The following FUT8 variants were observed in gnomAD, a reference collection of about 807,000 sequenced individuals.
The protein encoded by FUT8 is alpha-(1,6)-fucosyltransferase.
In FUT8, 29 loss-of-function variants were observed where a neutral mutation model predicts 71.3. The observed-to-expected ratio is 0.41, with a 90% CI of 0.30 to 0.55. The LOEUF (loss-of-function observed/expected upper bound fraction) is 0.55. Ranked by LOEUF, FUT8 falls within the 20% of genes least tolerant of loss-of-function variation. The pLI is 0.34. For missense variants in FUT8, 544 were observed against 702.1 expected (o/e 0.77, Z 2.55); for synonymous variants, 254 against 239.3 (o/e 1.06, Z -0.57).
chr14:65,600,914 A>G (rs1336734080), intron 3 of FUT8, among the ~76,000 whole-genome samples: 1 of 152,156 alleles, frequency 6.6e-6, no homozygotes, highest in Non-Finnish European at 1.5e-5. Context: ...TTCGTTCTAC[A>G]TTGTTCTGTT....
chr14:65,496,467 G>GA (rs2066561364), intron 2 of FUT8, among the ~76,000 whole-genome samples: 1 of 152,036 alleles, frequency 6.6e-6, no homozygotes, highest in Non-Finnish European at 1.5e-5. Flanking sequence ...CGTGTCAAGG[G>GA]AGAGACCTGG....
intron 1 of FUT8, among the ~76,000 whole-genome samples, chr14:65,445,861 C>T (rs2065732006): frequency 6.6e-6 from 1 of 152,188 alleles, no homozygotes; most frequent in African/African-American, 2.4e-5. Context: ...CTCCTAGGCT[C>T]AGGTGATCCC....
chr14:65,403,312 A>C, the FUT8 span, among the ~76,000 whole-genome samples: 1 of 152,218 alleles, frequency 6.6e-6, no homozygotes, highest in Non-Finnish European at 1.5e-5. Context: ...AAGTTTCCCA[A>C]GGTCTCACAG....
chr14:65,597,439 T>A (rs534877584), intron 3 of FUT8, among the ~76,000 whole-genome samples: 9 of 151,640 alleles, frequency 5.9e-5, no homozygotes, highest in Non-Finnish European at 1.3e-4. Flanking sequence ...CCATCCTGGC[T>A]AGTGAAACCC....
chr14:65,587,719 C>T (rs1366990113), intron 3 of FUT8, among the ~76,000 whole-genome samples: 1 of 152,080 alleles, frequency 6.6e-6, no homozygotes, highest in Non-Finnish European at 1.5e-5. Context: ...ATTTCTGGGG[C>T]TTAGAGTTGC....
the FUT8 span, among the ~76,000 whole-genome samples, chr14:65,383,567 GC>G: frequency 6.6e-6 from 1 of 152,104 alleles, no homozygotes; most frequent in East Asian, 1.9e-4. Context: ...ACTGTGCCTG[GC>G]CCCATTGGAT....
intron 7 of FUT8, among the ~76,000 whole-genome samples, chr14:65,684,135 C>T (rs1241082589): frequency 6.6e-6 from 1 of 151,716 alleles, no homozygotes; most frequent in African/African-American, 2.4e-5. Flanking sequence ...TATTTTATCG[C>T]ATTTTCAGTT....
At position 65,413,332 on chromosome 14, in the gene FUT8, C is replaced by T. The variant is rs2139349131; in HGVS notation, c.-326+118C>T. ...GCTCGTTCACCCGGGCCTGTTGCTG[C>T]AACTGCTGCCGGTTAACCAGCGGCT... On this transcript the variant is annotated intron_variant, in intron 1 of 10. Coordinates refer to ENST00000673929, the MANE Select transcript of FUT8 (RefSeq NM_001371533.1). This position sits in a 1 kb window ranked among gnomAD's most constrained non-coding sequence, Gnocchi z 4.1. 6.6e-6 allele frequency: 1 copy of T among 152,534 alleles called. No individual in the cohort carries two copies. Among genetic ancestry groups the T allele is most frequent in the Non-Finnish European group, 1.5e-5 (1 of 68,192 alleles). 9.4% of individuals were successfully genotyped at this position (152,534 alleles called of 1,614,324 possible).
At chr14:65,379,609 A>G in the FUT8 span, among the ~76,000 whole-genome samples, 1 of 152,174 alleles carries the variant, frequency 6.6e-6, no homozygotes, top group Admixed American at 6.5e-5. Flanking sequence ...TGAGTGATGC[A>G]AACCAGGATC....
At chr14:65,498,505 CT>C (rs199718677) in intron 2 of FUT8, among the ~76,000 whole-genome samples, 1 of 150,900 alleles carries the variant, frequency 6.6e-6, no homozygotes, top group Non-Finnish European at 1.5e-5. Flanking sequence ...GTATTGTATG[CT>C]TTTTTTTTGG....
chr14:65,711,991 T>C (rs532296232), intron 7 of FUT8, among the ~76,000 whole-genome samples: 1 of 152,344 alleles, frequency 6.6e-6, no homozygotes, highest in East Asian at 1.9e-4. Context: ...GGTGAATACA[T>C]TTTAAACATA....
intron 6 of FUT8, among the ~76,000 whole-genome samples, chr14:65,640,403 G>C (rs1247260512): frequency 4.6e-5 from 7 of 151,966 alleles, no homozygotes; most frequent in Non-Finnish European, 1.0e-4. Flanking sequence ...TTTCTCTTAA[G>C]CGTTTAACAT....
chr14:65,370,991 A>G, the FUT8 span, among the ~76,000 whole-genome samples: 1 of 152,232 alleles, frequency 6.6e-6, no homozygotes, highest in Non-Finnish European at 1.5e-5. Flanking sequence ...TTCCTGGAAG[A>G]TAAAAGTTGG....
intron 3 of FUT8, among the ~76,000 whole-genome samples, chr14:65,615,081 A>G (rs1365092725): frequency 6.6e-6 from 1 of 152,152 alleles, no homozygotes; most frequent in Non-Finnish European, 1.5e-5. Context: ...AATGAATAGA[A>G]CAATGATCTT....
upstream of FUT8, among the ~76,000 whole-genome samples, chr14:65,406,299 A>G (rs1034841233): frequency 4.6e-5 from 7 of 152,236 alleles, no homozygotes; most frequent in Admixed American, 3.9e-4. Context: ...CCCTTCTTAT[A>G]GATGGAAAAA....
rs139034722 is a variant in FUT8 at position 65,678,229 on chromosome 14, A to G, written c.835+8749A>G. Reference sequence around the variant, plus strand: ...GGGCTTCTTTTAACTTTAACAGCCAACATTAATGAAACTCAGAGCTACTTG... The same window carrying G: ...GGGCTTCTTTTAACTTTAACAGCCAGCATTAATGAAACTCAGAGCTACTTG... On this transcript the variant is annotated intron_variant, in intron 7 of 10. Transcript: ENST00000673929. Among the ~76,000 whole-genome samples, 1,002 of 152,322 alleles carry G rather than the reference A, an allele frequency of 6.6e-3. 7 individuals are homozygous for G. Among genetic ancestry groups the G allele is most frequent in the Non-Finnish European group, 9.1e-3 (617 of 68,024 alleles).
chr14:65,588,932 C>G (rs1173877538), intron 3 of FUT8, among the ~76,000 whole-genome samples: 1 of 152,182 alleles, frequency 6.6e-6, no homozygotes, highest in Non-Finnish European at 1.5e-5. Context: ...GGTCTTGGAA[C>G]AGTATCCCCA....
chr14:65,363,113 G>C, the FUT8 span, among the ~76,000 whole-genome samples: 1 of 151,992 alleles, frequency 6.6e-6, no homozygotes, highest in Admixed American at 6.6e-5. Context: ...GACATGGCAG[G>C]TACAGAAAGG....
chr14:65,653,009 T>G (rs191424794), intron 6 of FUT8, among the ~76,000 whole-genome samples: 87 of 152,296 alleles, frequency 5.7e-4, no homozygotes, highest in Non-Finnish European at 2.1e-4. Context: ...GGTAGTCACT[T>G]CAAGAGGCAG....
Sources: gnomAD v4.1 joint callset for allele counts (sites outside exome capture counted in the v4.1 genomes callset) on GRCh38, gnomAD v4.1.1 for gene constraint, Gnocchi (gnomAD v3.1) non-coding constraint, MANE v1.5 for transcripts, NCBI Gene and HGNC (gene_info 2026-07-23, HGNC 2026-07-21) for gene names.